GLYAT: variants seen among roughly 807,000 people sequenced by gnomAD.
GLYAT encodes the protein glycine N-acyltransferase.
In GLYAT, 25 loss-of-function variants were observed where a neutral mutation model predicts 22.8. That is an observed-to-expected ratio of 1.09 (90% CI 0.80 to 1.53). The LOEUF (loss-of-function observed/expected upper bound fraction) is 1.53. Among genes scored for constraint, GLYAT ranks in the 40% most tolerant of loss-of-function variants. The pLI, the probability that GLYAT is intolerant of heterozygous loss-of-function variation, is 0.00. For synonymous variants in GLYAT, 140 were observed against 122.7 expected, an observed-to-expected ratio of 1.14 and a Z score of -0.93; for missense variants, 411 against 353.9, an observed-to-expected ratio of 1.16 and a Z score of -1.29.
Position 58,724,474 on chromosome 11 carries a change from G to T in GLYAT, c.23C>A (p.Ala8Asp). Residue 8 changes from alanine (A) to aspartate (D), a missense_variant, in exon 2 of 6, where the codon GCC (alanine) becomes GAC (aspartate). Transcript: ENST00000344743. ...TTTCTCCAGCATCTGCAGCATCTGG[G>T]CACCTTGCAATGGTAACATCATGGA... MMLPLQG[A>D]QMLQMLEKSL... 6.2e-7 allele frequency: 1 copy of T among 1,606,140 alleles called. No individual in the cohort carries two copies. Among genetic ancestry groups the T allele is most frequent in the Non-Finnish European group, 8.5e-7 (1 of 1,174,038 alleles).
chr11:58,717,933 A>T (rs1249493054), intron 2 of GLYAT, among the ~76,000 whole-genome samples: 1 of 152,040 alleles, frequency 6.6e-6, no homozygotes, highest in African/African-American at 2.4e-5. Flanking sequence ...GCCATCAAAT[A>T]CCTATGAGTT....
In GLYAT at chr11:58,710,067, A is replaced by G. The variant is rs770645645; in HGVS notation, c.590T>C (p.Ile197Thr). Reference protein sequence around the residue: ...FGGNERSQRFIERCIQTFPTC... With the variant: ...FGGNERSQRFTERCIQTFPTC... ...GGGAAAGGTCTGAATGCAGCGCTCA[A>G]TGAATCTCTGGCTCCTCTCATTACC... Residue 197 changes from isoleucine to threonine, a missense_variant, in exon 6 of 6, where the codon ATT becomes ACT. Ile to Thr is a moderately conservative substitution (Grantham distance 89). Transcript: ENST00000344743. 26 of 1,613,994 alleles carry G rather than the reference A, an allele frequency of 1.6e-5. No homozygotes were observed. In the East Asian group the frequency reaches 2.7e-4, roughly 17 times the overall value.
At chr11:58,724,555 A>G (rs761365999) in intron 1 of GLYAT, 44 bp from the exon 2 acceptor site, 2 of 1,095,558 alleles carry the variant, frequency 1.8e-6, no homozygotes, top group Non-Finnish European at 2.6e-6. Flanking sequence ...GAAAAGCTAG[A>G]GGAGATTCTG....
At position 58,709,959 on chromosome 11, in the gene GLYAT, G is replaced by A; in HGVS notation, c.698C>T (p.Thr233Ile). ...GCCATGGAGCCGGTATTCCGGCAAG[G>A]TGCCTGCCATTCTCATCTCTCCAGT... The part of the protein sequence containing the change: ...DQTGEMRMAG[T>I]LPEYRLHGLV... Residue 233 changes from threonine to isoleucine, a missense_variant, in exon 6 of 6, where the codon ACC (threonine) becomes ATC (isoleucine). Coordinates refer to ENST00000344743, the MANE Select transcript of GLYAT (RefSeq NM_201648.3). The A allele has an allele frequency of 1.2e-6, 2 of 1,614,056 alleles. No homozygotes were observed. Among genetic ancestry groups the A allele is most frequent in the South Asian group, 1.1e-5 (1 of 91,086 alleles).
chr11:58,713,406 T>A (rs1335815043), intron 3 of GLYAT, among the ~76,000 whole-genome samples: 1 of 152,130 alleles, frequency 6.6e-6, no homozygotes, highest in Non-Finnish European at 1.5e-5. Flanking sequence ...CTTACCACCA[T>A]CATCCTCAAC....
At chr11:58,726,484 G>A (rs1341950275) in intron 1 of GLYAT, among the ~76,000 whole-genome samples, 1 of 152,044 alleles carries the variant, frequency 6.6e-6, no homozygotes, top group Admixed American at 6.6e-5. Flanking sequence ...CTGTAGAAGG[G>A]TGACTCTTGA....
intron 3 of GLYAT, among the ~76,000 whole-genome samples, chr11:58,714,196 G>C: frequency 6.6e-6 from 1 of 152,058 alleles, no homozygotes; most frequent in East Asian, 1.9e-4. Context: ...TTAGTCAAAA[G>C]ATATGAAACT....
chr11:58,718,442 G>A (rs1421022125), intron 2 of GLYAT, among the ~76,000 whole-genome samples: 1 of 151,970 alleles, frequency 6.6e-6, no homozygotes, highest in African/African-American at 2.4e-5. Flanking sequence ...TTCCTATTTT[G>A]CTTGATACTC....
intron 2 of GLYAT, among the ~76,000 whole-genome samples, chr11:58,723,783 A>G (rs1167607370): frequency 2.0e-5 from 3 of 151,738 alleles, no homozygotes; most frequent in African/African-American, 7.3e-5. Context: ...GCATTTATAT[A>G]TATCCATTTA....
In GLYAT at chr11:58,709,139, C is replaced by T. The variant is rs1856577000; in HGVS notation, c.*627G>A. ...TTTGGAAGCTCATCTTTAGAAAAAA[C>T]ATTGGATCTTTTTTCCTGGAATAGG... On this transcript the variant is annotated 3_prime_UTR_variant, in exon 6 of 6. Coordinates refer to ENST00000344743, the MANE Select transcript of GLYAT (RefSeq NM_201648.3). 1 of 152,142 alleles carries T rather than the reference C, an allele frequency of 6.6e-6. No individual in the cohort carries two copies. Among genetic ancestry groups the T allele is most frequent in the Non-Finnish European group, 1.5e-5 (1 of 68,012 alleles). 9.4% of individuals were successfully genotyped at this position (152,142 alleles called of 1,614,324 possible). A position where few individuals can be genotyped will look rare whatever the true frequency, so the allele number is the denominator to read the frequency against.
At chr11:58,711,504 G>C (rs1248397051) in intron 4 of GLYAT, among the ~76,000 whole-genome samples, 2 of 152,150 alleles carry the variant, frequency 1.3e-5, no homozygotes, top group Non-Finnish European at 2.9e-5. Flanking sequence ...AAGGATTTGT[G>C]TAATTTTTTC....
chr11:58,712,285 A>T (rs890428940), intron 4 of GLYAT, among the ~76,000 whole-genome samples: 3 of 152,158 alleles, frequency 2.0e-5, no homozygotes, highest in Non-Finnish European at 4.4e-5. Flanking sequence ...TATATGAGGA[A>T]CATAATCTCA....
Position 58,713,227 on chromosome 11 carries a change from T to C in GLYAT, c.190-341A>G, listed in dbSNP as rs146190131. ...GTTAAACATTAGAACTTATTTCCTT[T>C]ATCTAACTGTGGGTTTGTATGCATA... is the stretch of plus-strand genomic sequence containing the variant. On this transcript the variant is annotated intron_variant, in intron 3 of 5. Coordinates refer to ENST00000344743, the MANE Select transcript of GLYAT (RefSeq NM_201648.3). Among the ~76,000 whole-genome samples the C allele has an allele frequency of 1.6e-4, 24 of 152,276 alleles. No individual in the cohort carries two copies. In the East Asian group the frequency reaches 4.4e-3, roughly 28 times the overall value.
rs999430129 is a variant in GLYAT at position 58,709,129 on chromosome 11, T to C, written c.*637A>G. 4 of 152,224 alleles carry C rather than the reference T, an allele frequency of 2.6e-5. No individual in the cohort carries two copies. Among genetic ancestry groups the C allele is most frequent in the Non-Finnish European group, 5.9e-5 (4 of 68,044 alleles). The allele number at this position is 152,224 out of a possible 1,614,324, so 9.4% of individuals were successfully genotyped here. On this transcript the variant is annotated 3_prime_UTR_variant, in exon 6 of 6. Coordinates refer to ENST00000344743, the MANE Select transcript of GLYAT (RefSeq NM_201648.3). ...AGTTGTGGGTTTTGGAAGCTCATCT[T>C]TAGAAAAAACATTGGATCTTTTTTC...
rs192675385 is a variant in GLYAT at position 58,709,390 on chromosome 11, T to C, written c.*376A>G. 201 of 173,814 alleles carry C rather than the reference T, an allele frequency of 1.2e-3. No homozygotes were observed. The Middle Eastern group carries it at 0.017, about 15-fold the overall frequency. 10.8% of individuals were successfully genotyped at this position (173,814 alleles called of 1,614,324 possible). On this transcript the variant is annotated 3_prime_UTR_variant, in exon 6 of 6. Transcript: ENST00000344743. ...GGCTTTAGAAAGAAAGAAGTCATAG[T>C]GCTCAGAAAATTTAATTCACCTCTT...
At chr11:58,715,732 C>T (rs1200991088) in intron 2 of GLYAT, among the ~76,000 whole-genome samples, 1 of 152,134 alleles carries the variant, frequency 6.6e-6, no homozygotes, top group African/African-American at 2.4e-5. Context: ...GTACCTATTT[C>T]TCTATTCACA....
In GLYAT at chr11:58,715,270, C is replaced by T. The variant is rs374489671; in HGVS notation, c.189+46G>A. 95 of 863,268 alleles carry T rather than the reference C, an allele frequency of 1.1e-4. No individual in the cohort carries two copies. The African/African-American group carries it at 1.2e-3, about 11-fold the overall frequency. 53.5% of individuals were successfully genotyped at this position (863,268 alleles called of 1,614,324 possible). A position where few individuals can be genotyped will look rare whatever the true frequency, so the allele number is the denominator to read the frequency against. ...CATATTGCTAAGAATGTAATAGGCA[C>T]ACAGCTAATATAAATATAGAAGAAT... is the stretch of plus-strand genomic sequence containing the variant. On this transcript the variant is annotated intron_variant, in intron 3 of 5. Transcript: ENST00000344743.
At chr11:58,725,684 G>A (rs915845926) in intron 1 of GLYAT, among the ~76,000 whole-genome samples, 2 of 152,168 alleles carry the variant, frequency 1.3e-5, no homozygotes, top group South Asian at 2.1e-4. Flanking sequence ...AAACATCAGA[G>A]CAGGAGGGAA....
intron 2 of GLYAT, among the ~76,000 whole-genome samples, chr11:58,723,718 C>G (rs1370851815): frequency 6.6e-6 from 1 of 151,946 alleles, no homozygotes; most frequent in African/African-American, 2.4e-5. Flanking sequence ...TATATACATA[C>G]AGACAAGAAT....
Sources: allele counts gnomAD v4.1 joint callset (sites outside exome capture counted in the v4.1 genomes callset), GRCh38; gene constraint gnomAD v4.1.1; transcripts MANE v1.5; gene names NCBI Gene and HGNC (gene_info 2026-07-23, HGNC 2026-07-21).